Variants in RNF2 observed in about 807,000 individuals in gnomAD.
RNF2 encodes E3 ubiquitin-protein ligase RING2.
In RNF2, 6 loss-of-function variants were observed where a neutral mutation model predicts 37.2. The observed-to-expected ratio is 0.16, with a 90% CI of 0.09 to 0.32. The LOEUF is 0.32. RNF2 is among the 10% of genes least tolerant of loss of function. RNF2 has a pLI of 1.00. For synonymous variants in RNF2, 133 were observed against 132.7 expected (o/e 1.00, Z -0.02); for missense variants, 251 against 404.0 (o/e 0.62, Z 3.25).
chr1:185,059,394 A>G (rs1002375105), intron 1 of RNF2, among the ~76,000 whole-genome samples: 4 of 152,180 alleles, frequency 2.6e-5, no homozygotes, highest in Non-Finnish European at 5.9e-5. Flanking sequence ...TGGTAACAGT[A>G]ATAGTGGGAG....
At chr1:185,053,253 GT>G (rs1423814579) in intron 1 of RNF2, among the ~76,000 whole-genome samples, 2 of 151,998 alleles carry the variant, frequency 1.3e-5, no homozygotes, top group South Asian at 4.2e-4. Flanking sequence ...ATGCCTTCTA[GT>G]TTTCCCCCTA....
chr1:185,100,295 C>A lies in RNF2; in HGVS notation c.1005C>A (p.His335Gln). The A allele has an allele frequency of 6.2e-7, 1 of 1,600,810 alleles. No homozygotes were observed. Reference sequence around the variant, plus strand: ...TTTATTACGCACCTACAAAGGAGCACAAATGAGCCTTTAAAAACCAATTCT... The same window carrying A: ...TTTATTACGCACCTACAAAGGAGCAAAAATGAGCCTTTAAAAACCAATTCT... The part of the protein sequence containing the change: ...MELYYAPTKE[H>Q]K Residue 335 changes from histidine (H) to glutamine (Q), a missense_variant, in exon 7 of 7, where the codon CAC becomes CAA. Physicochemically the swap from His to Gln is conservative, Grantham distance 24 (BLOSUM62 0). Around this residue, in one of 7 missense-constraint regions of RNF2, gnomAD observed 59 missense variants for 69.1 expected, o/e 0.85. Coordinates refer to ENST00000367510, the MANE Select transcript of RNF2 (RefSeq NM_007212.4).
At chr1:185,097,974 T>C in intron 4 of RNF2, 98 bp from the exon 5 acceptor site, 1 of 1,306,410 alleles carries the variant, frequency 7.7e-7, no homozygotes, top group Non-Finnish European at 1.1e-6. Flanking sequence ...TACCAGTATT[T>C]TTTGGAATTC....
At chr1:185,074,406 G>A (rs970409944) in intron 1 of RNF2, among the ~76,000 whole-genome samples, 1 of 152,112 alleles carries the variant, frequency 6.6e-6, no homozygotes. Context: ...TAATCTTGTG[G>A]TTGGTTCTCC....
chr1:185,070,638 C>G (rs57745553), intron 1 of RNF2, among the ~76,000 whole-genome samples: 1 of 129,744 alleles, frequency 7.7e-6, no homozygotes, highest in East Asian at 2.3e-4. Flanking sequence ...ATTTTCTTTT[C>G]TTTTTTTTTT....
chr1:185,076,268 GTTTTTTTTTTTTTTTTTTTTTTTTTTT>G (rs71101959), intron 1 of RNF2, among the ~76,000 whole-genome samples: 6 of 27,348 alleles, frequency 2.2e-4, no homozygotes, highest in South Asian at 1.4e-3. Context: ...TTTATGGGTT[GTTTTTTTTTTTTTTTTTTTTTTTTTTT>G]TTTTTTTTTT....
At position 185,093,219 on chromosome 1, in the gene RNF2, A is replaced by G; in HGVS notation, c.407A>G (p.Asn136Ser). ...TTAGCCAGGATCAACAAGCACAATA[A>G]TCAGCAAGCACTCAGTCACAGCATT... ...RVLARINKHN[N>S]QQALSHSIEE... Residue 136 changes from asparagine (N) to serine (S), a missense_variant, in exon 4 of 7, where the codon AAT (asparagine) becomes AGT (serine). By Grantham distance (46) the Asn-to-Ser change is conservative. Transcript: ENST00000367510. 6.2e-7 allele frequency: 1 copy of G among 1,614,044 alleles called. No individual in the cohort carries two copies. Among genetic ancestry groups the G allele is most frequent in the Non-Finnish European group, 8.5e-7 (1 of 1,179,956 alleles).
At chr1:185,077,702 T>C (rs1273581822) in intron 1 of RNF2, among the ~76,000 whole-genome samples, 1 of 148,520 alleles carries the variant, frequency 6.7e-6, no homozygotes, top group East Asian at 2.0e-4. Flanking sequence ...CATGAGCAAA[T>C]CTGTTTTGTT....
chr1:185,086,585 C>A (rs1003930212), intron 1 of RNF2, among the ~76,000 whole-genome samples: 10 of 152,142 alleles, frequency 6.6e-5, no homozygotes, highest in African/African-American at 2.4e-4. Context: ...GATATGATAC[C>A]ACTTTCCAAA....
chr1:185,081,820 G>T (rs2102186774), intron 1 of RNF2, among the ~76,000 whole-genome samples: 1 of 152,234 alleles, frequency 6.6e-6, no homozygotes, highest in East Asian at 1.9e-4. Context: ...GCAGTTTTCG[G>T]TGCATCTCGA....
intron 4 of RNF2, among the ~76,000 whole-genome samples, chr1:185,097,299 C>T (rs1192479709): frequency 6.6e-6 from 1 of 152,226 alleles, no homozygotes; most frequent in African/African-American, 2.4e-5. Flanking sequence ...GCATTTTCCT[C>T]AGTCATTTTG....
At position 185,061,128 on chromosome 1, in the gene RNF2, CTTTTTTTTT is replaced by C. The variant is rs34284435; in HGVS notation, c.-3+15488_-3+15496del. Among the ~76,000 whole-genome samples the C allele has an allele frequency of 1.5e-4, 18 of 122,556 alleles. No individual in the cohort carries two copies. The South Asian group carries it at 4.3e-3, about 29-fold the overall frequency. The allele number at this position is 122,556 out of a possible 152,430, so 80.4% of individuals were successfully genotyped here. ...GGAGTGAGACCCTATTTCTCTCTCT[CTTTTTTTTT>C]TTTTTTTTGAGACGGAATCTCGCTC... is the stretch of plus-strand genomic sequence containing the variant. On this transcript the variant is annotated intron_variant, in intron 1 of 6. Coordinates refer to ENST00000367510, the MANE Select transcript of RNF2 (RefSeq NM_007212.4).
intron 4 of RNF2, among the ~76,000 whole-genome samples, chr1:185,094,131 G>T (rs1022436007): frequency 1.4e-5 from 2 of 146,496 alleles, no homozygotes; most frequent in African/African-American, 5.0e-5. Context: ...TTTGGAGTCA[G>T]TTTTTTTTTT....
intron 1 of RNF2, among the ~76,000 whole-genome samples, chr1:185,057,260 A>G (rs1650461799): frequency 6.6e-6 from 1 of 152,200 alleles, no homozygotes; most frequent in African/African-American, 2.4e-5. Flanking sequence ...GCAATCAGCC[A>G]TGATCACACT....
At chr1:185,046,959 AT>A (rs895608422) in intron 1 of RNF2, among the ~76,000 whole-genome samples, 1 of 152,230 alleles carries the variant, frequency 6.6e-6, no homozygotes, top group Non-Finnish European at 1.5e-5. Flanking sequence ...TTTATAAAGT[AT>A]TTAAATAGCA....
intron 1 of RNF2, among the ~76,000 whole-genome samples, chr1:185,075,828 C>T (rs751096621): frequency 5.9e-5 from 9 of 152,188 alleles, no homozygotes; most frequent in Non-Finnish European, 1.3e-4. Flanking sequence ...GAGATTTGGG[C>T]GAAGCCACAA....
chr1:185,083,107 C>T (rs1651478578), intron 1 of RNF2, among the ~76,000 whole-genome samples: 1 of 152,184 alleles, frequency 6.6e-6, no homozygotes, highest in African/African-American at 2.4e-5. Context: ...TTTTTTTCCC[C>T]TGCTTCTTTG....
At chr1:185,067,625 A>T (rs1353517379) in intron 1 of RNF2, among the ~76,000 whole-genome samples, 1 of 152,012 alleles carries the variant, frequency 6.6e-6, no homozygotes, top group East Asian at 1.9e-4. Flanking sequence ...TCTTTGTTTC[A>T]TAGTGCTTAG....
chr1:185,052,677 A>G lies in RNF2; in HGVS notation c.-3+7028A>G, dbSNP rs979477449. The stretch of plus-strand genomic sequence containing the variant: ...AAATGCCACTAAATGTTCAATTTAA[A>G]ATGGTTCATTTCACCCCAGTAAGTT... On this transcript the variant is annotated intron_variant, in intron 1 of 6. Transcript: ENST00000367510. 2.0e-5 allele frequency among the ~76,000 whole-genome samples: 3 copies of G among 152,224 alleles called. No homozygotes were observed. In the East Asian group the frequency reaches 5.8e-4, roughly 29 times the overall value.
Sources: gnomAD v4.1 joint callset for allele counts (sites outside exome capture counted in the v4.1 genomes callset) on GRCh38, gnomAD v4.1.1 for gene constraint, gnomAD v4.1.1 regional missense constraint, MANE v1.5 for transcripts, NCBI Gene and HGNC (gene_info 2026-07-23, HGNC 2026-07-21) for gene names.